THADA: variants seen among roughly 807,000 people sequenced by gnomAD.
THADA encodes the protein THADA armadillo repeat containing.
A neutral mutation model predicts 219.8 loss-of-function variants in THADA; 213 were observed. The observed-to-expected ratio is 0.97, with a 90% confidence interval of 0.87 to 1.09. The LOEUF (loss-of-function observed/expected upper bound fraction) is 1.09. Among genes scored for constraint, THADA ranks in the 50% least tolerant of loss-of-function variants. The pLI is 0.00. For synonymous variants in THADA, 1,018 were observed against 828.9 expected (o/e 1.23, Z -3.92); for missense variants, 2,956 against 2,311.3 (o/e 1.28, Z -5.72).
intron 36 of THADA, among the ~76,000 whole-genome samples, chr2:43,270,517 C>G (rs1364856231): frequency 6.6e-6 from 1 of 152,210 alleles, no homozygotes; most frequent in Non-Finnish European, 1.5e-5. Context: ...TTTCTCTTAA[C>G]TCCTGGGTTC....
intron 7 of THADA, among the ~76,000 whole-genome samples, chr2:43,582,940 C>G (rs1374597368): frequency 1.3e-5 from 2 of 152,134 alleles, no homozygotes; most frequent in Non-Finnish European, 2.9e-5. Context: ...TCTCGGATAC[C>G]TTCACTAATT....
At chr2:43,410,198 A>C (rs750577090) in intron 28 of THADA, among the ~76,000 whole-genome samples, 4 of 152,204 alleles carry the variant, frequency 2.6e-5, no homozygotes, top group Non-Finnish European at 5.9e-5. Context: ...GTGAAATACT[A>C]CTATATACTC....
In THADA at chr2:43,572,956, T is replaced by C; in HGVS notation, c.1766A>G (p.Asn589Ser). The change falls in exon 12 of 38, where the codon AAT becomes AGT. Residue 589 changes from asparagine (N) to serine (S), a missense_variant. Asn to Ser is a conservative substitution (Grantham distance 46). Transcript: ENST00000405975. ...EQSFPSLGSC[N>S]SRGALGALMA... ...CAAAGCTCCCAGAGCCCCCCTGCTATTACAAGACCCTAAGGATGGGAAAGA... is the reference window on the plus strand; with the variant it reads ...CAAAGCTCCCAGAGCCCCCCTGCTACTACAAGACCCTAAGGATGGGAAAGA... The C allele has an allele frequency of 6.2e-7, 1 of 1,613,900 alleles. No individual in the cohort carries two copies. The highest frequency in any genetic ancestry group is 8.5e-7 in the Non-Finnish European group (1 of 1,179,830).
intron 26 of THADA, among the ~76,000 whole-genome samples, chr2:43,434,869 G>A (rs1035556099): frequency 8.7e-4 from 132 of 152,214 alleles, no homozygotes; most frequent in African/African-American, 3.0e-3. Context: ...AACACAAGCT[G>A]CCTATGGACA....
intron 36 of THADA, among the ~76,000 whole-genome samples, chr2:43,261,434 G>GTTTGTGCT: frequency 6.6e-6 from 1 of 150,412 alleles, no homozygotes. Context: ...ATGTTGCCTG[G>GTTTGTGCT]TTTGTGCTTT....
intron 26 of THADA, among the ~76,000 whole-genome samples, chr2:43,457,099 T>C (rs1683094648): frequency 6.9e-6 from 1 of 144,150 alleles, no homozygotes; most frequent in Admixed American, 7.0e-5. Flanking sequence ...GATAGAATGT[T>C]CCACATCGGT....
At chr2:43,541,471 G>C (rs1273911038) in intron 20 of THADA, among the ~76,000 whole-genome samples, 155 bp from the exon 21 acceptor site, 1 of 151,824 alleles carries the variant, frequency 6.6e-6, no homozygotes, top group African/African-American at 2.4e-5. Context: ...GCTAACATTT[G>C]TCGAGCATGT....
In THADA at chr2:43,287,071, C is replaced by A. The variant is rs762574355; in HGVS notation, c.5011-10G>T. ...CTATCAATTCCCTGTTCTAAAAGCA[C>A]AAAATGTACCTATCAGTAGTTCAGA... On this transcript the variant is annotated splice_polypyrimidine_tract_variant and intron_variant, in intron 34 of 37. Transcript: ENST00000405975. 1 of 1,607,766 alleles carries A rather than the reference C, an allele frequency of 6.2e-7. No individual in the cohort carries two copies. Among genetic ancestry groups the A allele is most frequent in the Non-Finnish European group, 8.5e-7 (1 of 1,176,222 alleles).
chr2:43,299,380 C>T lies in THADA; in HGVS notation c.4439-6167G>A, dbSNP rs1488607579. ...ACAATAATAACTATAAAAATCTAGC[C>T]GGGCGCAGTGGCTCACGCCTGTAAT... On this transcript the variant is annotated intron_variant, in intron 31 of 37. Transcript: ENST00000405975. 5.9e-5 allele frequency among the ~76,000 whole-genome samples: 9 copies of T among 152,224 alleles called. No individual in the cohort carries two copies. In the South Asian group the frequency reaches 1.2e-3, roughly 21 times the overall value.
At chr2:43,392,242 T>C (rs1046749843) in intron 29 of THADA, among the ~76,000 whole-genome samples, 1 of 152,252 alleles carries the variant, frequency 6.6e-6, no homozygotes, top group African/African-American at 2.4e-5. Flanking sequence ...TTGACTCATA[T>C]GGTTACATTT....
intron 36 of THADA, among the ~76,000 whole-genome samples, chr2:43,264,443 G>A (rs1387047015): frequency 1.3e-5 from 2 of 151,912 alleles, no homozygotes; most frequent in Non-Finnish European, 2.9e-5. Context: ...GCACTACCAC[G>A]CCTGGCTAAT....
chr2:43,542,093 G>C (rs1195376942), intron 20 of THADA, among the ~76,000 whole-genome samples: 2 of 152,060 alleles, frequency 1.3e-5, no homozygotes, highest in East Asian at 3.8e-4. Flanking sequence ...TCTTATTCTA[G>C]TTTTAGGAGT....
At chr2:43,499,416 G>A (rs1044513541) in intron 24 of THADA, among the ~76,000 whole-genome samples, 13 of 151,754 alleles carry the variant, frequency 8.6e-5, no homozygotes, top group Middle Eastern at 3.4e-3. Flanking sequence ...CACTCTTGTC[G>A]CCCAGGCTGG....
At chr2:43,274,993 C>T (rs373745804) in intron 36 of THADA, among the ~76,000 whole-genome samples, 18 of 121,644 alleles carry the variant, frequency 1.5e-4, no homozygotes, top group African/African-American at 5.0e-4. Context: ...CTTTTCTTTT[C>T]TTTTCTTTTT....
chr2:43,240,515 A>C (rs1668509059), intron 36 of THADA, among the ~76,000 whole-genome samples: 1 of 151,730 alleles, frequency 6.6e-6, no homozygotes, highest in African/African-American at 2.4e-5. Context: ...TCAGTCCCCT[A>C]CCTCCCCTTA....
intron 36 of THADA, among the ~76,000 whole-genome samples, chr2:43,270,773 G>A (rs2104265008): frequency 6.6e-6 from 1 of 152,308 alleles, no homozygotes; most frequent in South Asian, 2.1e-4. Flanking sequence ...CTTGAGCCCA[G>A]GAGTTCAAGA....
chr2:43,300,892 C>T (rs183870943), intron 31 of THADA, among the ~76,000 whole-genome samples: 153 of 152,306 alleles, frequency 1.0e-3, no homozygotes, highest in African/African-American at 3.6e-3. Context: ...CCCAGAGTTT[C>T]TGATTCTGCA....
chr2:43,566,175 C>G (rs767999536), intron 15 of THADA: 1 of 363,784 alleles, frequency 2.7e-6, no homozygotes, highest in South Asian at 1.3e-4. Context: ...AAATTTGACC[C>G]TCTTGAGAAC....
At chr2:43,351,554 T>C (rs2104560000) in intron 29 of THADA, among the ~76,000 whole-genome samples, 1 of 152,358 alleles carries the variant, frequency 6.6e-6, no homozygotes, top group Non-Finnish European at 1.5e-5. Flanking sequence ...CAACATCTCC[T>C]TTAATTTGAT....
Sources: gnomAD v4.1 joint callset for allele counts (sites outside exome capture counted in the v4.1 genomes callset) on GRCh38, gnomAD v4.1.1 for gene constraint, MANE v1.5 for transcripts, NCBI Gene and HGNC (gene_info 2026-07-23, HGNC 2026-07-21) for gene names.